The following PARN variants were observed in gnomAD, a reference collection of about 807,000 sequenced individuals.
PARN encodes poly(A)-specific ribonuclease PARN.
Under a neutral mutation model 102.8 loss-of-function variants are expected in PARN, and 71 were observed. That is an observed-to-expected ratio of 0.69 (90% CI 0.57 to 0.84). PARN has a LOEUF of 0.84. Ranked by LOEUF, PARN falls within the 40% of genes least tolerant of loss-of-function variation. The pLI is 0.00. For synonymous variants in PARN, 261 were observed against 252.9 expected (o/e 1.03, Z -0.30); for missense variants, 782 against 760.9 (o/e 1.03, Z -0.33).
chr16:14,449,682 TAA>T (rs988344183), intron 22 of PARN, among the ~76,000 whole-genome samples: 2 of 151,856 alleles, frequency 1.3e-5, no homozygotes, highest in Non-Finnish European at 2.9e-5. Context: ...TATAGAAAAC[TAA>T]AAAAGGTATG....
intron 8 of PARN, 47 bp downstream of exon 8, chr16:14,609,011 C>G: frequency 9.4e-7 from 1 of 1,068,098 alleles, no homozygotes; most frequent in East Asian, 2.4e-5. Flanking sequence ...CACAAACCAT[C>G]TACCTTTCCA....
intron 23 of PARN, among the ~76,000 whole-genome samples, chr16:14,438,450 G>GT (rs1168925637): frequency 8.1e-5 from 12 of 148,834 alleles, no homozygotes; most frequent in Non-Finnish European, 1.6e-4. Context: ...TTGGGGGGGG[G>GT]GGTGTGTGAG....
intron 6 of PARN, among the ~76,000 whole-genome samples, chr16:14,612,726 T>C (rs1195454971): frequency 6.6e-6 from 1 of 151,856 alleles, no homozygotes; most frequent in Non-Finnish European, 1.5e-5. Flanking sequence ...GCCTCCCAAG[T>C]TGCTGGGATT....
intron 21 of PARN, among the ~76,000 whole-genome samples, chr16:14,535,776 T>G (rs1214600200): frequency 6.6e-6 from 1 of 152,214 alleles, no homozygotes; most frequent in Non-Finnish European, 1.5e-5. Context: ...AATCTCTTCC[T>G]GTGCCTAATT....
At chr16:14,437,637 C>T (rs1265924334) in intron 23 of PARN, among the ~76,000 whole-genome samples, 3 of 152,098 alleles carry the variant, frequency 2.0e-5, no homozygotes, top group Non-Finnish European at 4.4e-5. Flanking sequence ...AAAGTGTGGC[C>T]CGACCAGGCG....
chr16:14,597,540 C>T (rs1970597746), intron 12 of PARN, among the ~76,000 whole-genome samples: 4 of 151,866 alleles, frequency 2.6e-5, no homozygotes, highest in Admixed American at 2.6e-4. Context: ...ACTAAAAATA[C>T]AAAAAAATTA....
chr16:14,582,979 C>T (rs1396725927), intron 16 of PARN, among the ~76,000 whole-genome samples: 1 of 152,184 alleles, frequency 6.6e-6, no homozygotes, highest in Admixed American at 6.5e-5. Context: ...CTATCAACAG[C>T]TCCAACTCAC....
intron 21 of PARN, among the ~76,000 whole-genome samples, chr16:14,551,804 T>C (rs1025054387): frequency 3.3e-5 from 5 of 152,262 alleles, no homozygotes; most frequent in African/African-American, 9.6e-5. Context: ...AAATATACTA[T>C]GTAGCATACC....
Position 14,629,655 on chromosome 16 carries a change from G to C in PARN, c.39C>G (p.His13Gln), listed in dbSNP as rs2151826881. The change falls in exon 2 of 24, where the codon CAC becomes CAG. Residue 13 changes from histidine (H) to glutamine (Q), a missense_variant. Coordinates refer to ENST00000437198, the MANE Select transcript of PARN (RefSeq NM_002582.4). ...CCTCCTCTATGGCCTGGTACACTTTGTGAAGATTACTCTTAAAATCTGCGG... is the reference window on the plus strand; with the variant it reads ...CCTCCTCTATGGCCTGGTACACTTTCTGAAGATTACTCTTAAAATCTGCGG... ...IIRSNFKSNL[H>Q]KVYQAIEEAD... is the part of the protein sequence containing the mutation. The C allele has an allele frequency of 1.9e-6, 3 of 1,613,074 alleles. No homozygotes were observed. Among genetic ancestry groups the C allele is most frequent in the Non-Finnish European group, 2.5e-6 (3 of 1,179,002 alleles).
intron 23 of PARN, among the ~76,000 whole-genome samples, chr16:14,439,802 T>A (rs1224694129): frequency 2.0e-5 from 3 of 151,818 alleles, no homozygotes; most frequent in Admixed American, 6.6e-5. Flanking sequence ...GATCACGAGG[T>A]CAGGGGTTCG....
At chr16:14,565,781 T>G (rs1288667561) in intron 18 of PARN, among the ~76,000 whole-genome samples, 1 of 152,242 alleles carries the variant, frequency 6.6e-6, no homozygotes, top group African/African-American at 2.4e-5. Flanking sequence ...GGCTTGATTA[T>G]CCCTGACTCT....
intron 22 of PARN, among the ~76,000 whole-genome samples, chr16:14,470,655 C>T (rs1353320064): frequency 1.1e-4 from 16 of 151,608 alleles, no homozygotes; most frequent in African/African-American, 3.6e-4. Flanking sequence ...GACAGGGTTT[C>T]GCCATGTTGT....
intron 21 of PARN, among the ~76,000 whole-genome samples, chr16:14,543,520 A>G (rs890328229): frequency 2.0e-5 from 3 of 152,230 alleles, no homozygotes; most frequent in African/African-American, 7.2e-5. Context: ...CATATGCCCA[A>G]TTAAAGCCTA....
At chr16:14,576,135 A>G (rs141446188) in intron 18 of PARN, 1 of 152,268 alleles carries the variant, frequency 6.6e-6, no homozygotes, top group Non-Finnish European at 1.5e-5. Context: ...AAATGGACCA[A>G]TACAGAAGGT....
intron 22 of PARN, among the ~76,000 whole-genome samples, chr16:14,455,127 G>A (rs551568275): frequency 1.5e-4 from 23 of 152,264 alleles, no homozygotes; most frequent in African/African-American, 5.1e-4. Flanking sequence ...AAACACACAA[G>A]TATTAACTAA....
intron 22 of PARN, among the ~76,000 whole-genome samples, chr16:14,468,190 G>A (rs1008418660): frequency 6.6e-5 from 10 of 152,288 alleles, no homozygotes; most frequent in South Asian, 4.1e-4. Flanking sequence ...AAGAGAGAGA[G>A]GAGGGCTTGA....
At chr16:14,543,479 T>C (rs1376477161) in intron 21 of PARN, among the ~76,000 whole-genome samples, 1 of 152,202 alleles carries the variant, frequency 6.6e-6, no homozygotes, top group African/African-American at 2.4e-5. Flanking sequence ...AACACCACTT[T>C]CTGGGATTTA....
intron 21 of PARN, among the ~76,000 whole-genome samples, chr16:14,517,861 C>T (rs1224482600): frequency 2.6e-5 from 4 of 151,686 alleles, no homozygotes; most frequent in Admixed American, 1.3e-4. Context: ...TTGTATTTTT[C>T]ATAGTGATGG....
chr16:14,520,732 C>T (rs943784644), intron 21 of PARN, among the ~76,000 whole-genome samples: 1 of 152,026 alleles, frequency 6.6e-6, no homozygotes, highest in African/African-American at 2.4e-5. Context: ...AAGAGACACA[C>T]TGGAATATTT....
Sources: allele counts gnomAD v4.1 joint callset (sites outside exome capture counted in the v4.1 genomes callset), GRCh38; gene constraint gnomAD v4.1.1; transcripts MANE v1.5; gene names NCBI Gene and HGNC (gene_info 2026-07-23, HGNC 2026-07-21).